The following METAP1D variants were observed in gnomAD, a reference collection of about 807,000 sequenced individuals.
METAP1D encodes methionine aminopeptidase 1D, mitochondrial.
A neutral mutation model predicts 40.5 loss-of-function variants in METAP1D; 31 were observed. The ratio of observed to expected loss-of-function variants is 0.77; its 90% CI spans 0.58 to 1.03. The LOEUF is 1.03. METAP1D is among the 50% of genes least tolerant of loss of function. The probability of loss-of-function intolerance (pLI) is 0.00; values close to 1 mark genes in which losing one functional copy is unlikely to be tolerated. For synonymous variants in METAP1D, 151 were observed against 146.4 expected, an observed-to-expected ratio of 1.03 and a Z score of -0.22; for missense variants, 411 against 420.7, an observed-to-expected ratio of 0.98 and a Z score of 0.20.
intron 1 of METAP1D, among the ~76,000 whole-genome samples, chr2:172,017,854 C>A (rs747492610): frequency 6.6e-6 from 1 of 151,996 alleles, no homozygotes; most frequent in South Asian, 2.1e-4. Context: ...CTGGGCTGGG[C>A]GCGGTGGCTT....
chr2:172,015,478 C>T (rs552816326), intron 1 of METAP1D, among the ~76,000 whole-genome samples: 5 of 152,130 alleles, frequency 3.3e-5, no homozygotes, highest in African/African-American at 7.2e-5. Context: ...ATTACAGTGT[C>T]GCTTATATTA....
chr2:172,057,224 T>C (rs185164370), intron 1 of METAP1D, among the ~76,000 whole-genome samples: 28 of 152,316 alleles, frequency 1.8e-4, no homozygotes, highest in Admixed American at 1.3e-3. Flanking sequence ...TAAGAGGTAA[T>C]GTATGTAGAG....
intron 1 of METAP1D, among the ~76,000 whole-genome samples, chr2:172,000,308 C>G (rs1427474630): frequency 2.0e-5 from 3 of 152,234 alleles, no homozygotes; most frequent in African/African-American, 7.2e-5. Flanking sequence ...TCGGTTGTAT[C>G]ATTAGTGTAA....
intron 1 of METAP1D, among the ~76,000 whole-genome samples, chr2:172,010,125 G>A (rs1455815082): frequency 6.6e-6 from 1 of 151,746 alleles, no homozygotes; most frequent in African/African-American, 2.4e-5. Context: ...GAATTGTGGA[G>A]GGGTTTTTTG....
chr2:172,006,222 C>A (rs997367874), intron 1 of METAP1D, among the ~76,000 whole-genome samples: 1 of 150,536 alleles, frequency 6.6e-6, no homozygotes, highest in South Asian at 2.1e-4. Context: ...CTCGCTCTGT[C>A]ACCCAGGCTG....
chr2:172,080,067 G>A lies in METAP1D; in HGVS notation c.851-61G>A, dbSNP rs1165728205. The A allele has an allele frequency of 1.8e-5, 26 of 1,446,938 alleles. No homozygotes were observed. In the South Asian group the frequency reaches 2.2e-4, roughly 12 times the overall value. 89.6% of individuals were successfully genotyped at this position (1,446,938 alleles called of 1,614,324 possible). On this transcript the variant is annotated intron_variant, in intron 8 of 9. Coordinates refer to ENST00000315796, the MANE Select transcript of METAP1D (RefSeq NM_199227.3). ...AACTTCTCTTTTTTAATAATCAGCC[G>A]GAAACAATGTTTAACAAGAATCTGA...
chr2:172,076,065 GT>G (rs1341044667), intron 6 of METAP1D, among the ~76,000 whole-genome samples: 4 of 152,042 alleles, frequency 2.6e-5, no homozygotes, highest in Admixed American at 2.0e-4. Flanking sequence ...GACCCTAAGT[GT>G]TTTTTCAGAG....
At chr2:172,057,484 T>A (rs1026512323) in intron 1 of METAP1D, among the ~76,000 whole-genome samples, 2 of 152,190 alleles carry the variant, frequency 1.3e-5, no homozygotes, top group Non-Finnish European at 2.9e-5. Flanking sequence ...CTAATAGTTC[T>A]GGCAGCCACC....
chr2:172,047,380 A>G (rs1454596169), intron 1 of METAP1D, among the ~76,000 whole-genome samples: 2 of 152,236 alleles, frequency 1.3e-5, no homozygotes, highest in African/African-American at 4.8e-5. Flanking sequence ...GTTAAAGTTT[A>G]TGGCTAAGCA....
At chr2:172,073,651 A>G (rs1690476639) in intron 6 of METAP1D, among the ~76,000 whole-genome samples, 1 of 152,160 alleles carries the variant, frequency 6.6e-6, no homozygotes, top group Non-Finnish European at 1.5e-5. Flanking sequence ...ATTCTAACAA[A>G]TATTTGTTCT....
At chr2:172,005,073 C>T (rs1181395879) in intron 1 of METAP1D, among the ~76,000 whole-genome samples, 1 of 152,094 alleles carries the variant, frequency 6.6e-6, no homozygotes, top group Non-Finnish European at 1.5e-5. Flanking sequence ...CACCACCACA[C>T]CCAGCTAATT....
intron 1 of METAP1D, among the ~76,000 whole-genome samples, chr2:172,032,923 G>A (rs967581757): frequency 6.6e-6 from 1 of 152,094 alleles, no homozygotes; most frequent in Non-Finnish European, 1.5e-5. Context: ...GCTGAGCCTG[G>A]TGGCGGGCGT....
At position 172,080,469 on chromosome 2, in the gene METAP1D, G is replaced by A. The variant is rs564545939; in HGVS notation, c.*63G>A. The A allele has an allele frequency of 1.5e-4, 233 of 1,564,328 alleles. 2 individuals carry two copies. In the South Asian group the frequency reaches 2.3e-3, roughly 15 times the overall value. On this transcript the variant is annotated 3_prime_UTR_variant, in exon 10 of 10. Coordinates refer to ENST00000315796, the MANE Select transcript of METAP1D (RefSeq NM_199227.3). ...TAAATAAATTGCTGAAATTTGGCTGGAGAACTTTTAGAAGAAACAGGGAAA... is the reference window on the plus strand; with the variant it reads ...TAAATAAATTGCTGAAATTTGGCTGAAGAACTTTTAGAAGAAACAGGGAAA...
At chr2:172,034,986 C>CTTTTTTTTTTTTT (rs66853451) in intron 1 of METAP1D, among the ~76,000 whole-genome samples, 3 of 135,570 alleles carry the variant, frequency 2.2e-5, no homozygotes, top group African/African-American at 5.4e-5. Context: ...GAATTTTTTT[C>CTTTTTTTTTTTTT]TTTTTTTTTT....
chr2:172,006,510 G>A (rs557820342), intron 1 of METAP1D, among the ~76,000 whole-genome samples: 44 of 152,206 alleles, frequency 2.9e-4, no homozygotes, highest in Admixed American at 1.2e-3. Flanking sequence ...TGAAATACCC[G>A]CTTTCCTCAA....
At chr2:172,031,032 C>T (rs1185391280) in intron 1 of METAP1D, among the ~76,000 whole-genome samples, 2 of 152,064 alleles carry the variant, frequency 1.3e-5, no homozygotes, top group African/African-American at 2.4e-5. Context: ...TATTGGGAGA[C>T]TAAAGACATT....
chr2:172,044,157 G>A (rs1266718179), intron 1 of METAP1D, among the ~76,000 whole-genome samples: 1 of 133,810 alleles, frequency 7.5e-6, no homozygotes, highest in Non-Finnish European at 1.7e-5. Flanking sequence ...CCAATTTTGT[G>A]GCCAAAAACA....
At chr2:172,063,147 G>A (rs986162582) in intron 2 of METAP1D, among the ~76,000 whole-genome samples, 4 of 152,128 alleles carry the variant, frequency 2.6e-5, no homozygotes, top group Non-Finnish European at 5.9e-5. Context: ...TGTATTTGAA[G>A]AATAAAACTT....
chr2:172,047,997 C>A (rs1333603317), intron 1 of METAP1D, among the ~76,000 whole-genome samples: 1 of 152,176 alleles, frequency 6.6e-6, no homozygotes, highest in Non-Finnish European at 1.5e-5. Context: ...CAGGAACTCT[C>A]AGGAAAACAT....
Sources: allele counts gnomAD v4.1 joint callset (sites outside exome capture counted in the v4.1 genomes callset), GRCh38; gene constraint gnomAD v4.1.1; transcripts MANE v1.5; gene names NCBI Gene and HGNC (gene_info 2026-07-23, HGNC 2026-07-21).